ANKS3: variants seen among roughly 807,000 people sequenced by gnomAD.
The protein encoded by ANKS3 is ankyrin repeat and SAM domain-containing protein 3.
ANKS3 carries 62 observed loss-of-function variants against 80.7 expected under a neutral mutation model. The ratio of observed to expected loss-of-function variants is 0.77; its 90% CI spans 0.63 to 0.95. ANKS3 has a LOEUF of 0.95. Ranked by LOEUF, ANKS3 falls within the 40% of genes least tolerant of loss-of-function variation. The pLI, the probability that ANKS3 is intolerant of heterozygous loss-of-function variation, is 0.00. For synonymous variants in ANKS3, 489 were observed against 355.3 expected (o/e 1.38, Z -4.23); for missense variants, 1,150 against 883.6 (o/e 1.30, Z -3.82).
chr16:4,730,383 T>C, intron 2 of ANKS3: 2 of 376,866 alleles, frequency 5.3e-6, no homozygotes, highest in Non-Finnish European at 9.4e-6. Context: ...GGAGCACATA[T>C]GGTGAGGCAT....
chr16:4,696,870 G>T lies in ANKS3; in HGVS notation c.*38C>A. ...CTCACTCCCTGGCACACAGCTTCAG[G>T]GTGGACCAATCACCCAACGTCAGAT... On this transcript the variant is annotated 3_prime_UTR_variant, in exon 18 of 18. Coordinates refer to ENST00000304283, the MANE Select transcript of ANKS3 (RefSeq NM_133450.4). The T allele has an allele frequency of 1.3e-6, 1 of 743,722 alleles. No individual in the cohort carries two copies. Among genetic ancestry groups the T allele is most frequent in the Non-Finnish European group, 2.3e-6 (1 of 442,774 alleles). 46.1% of individuals were successfully genotyped at this position (743,722 alleles called of 1,614,324 possible).
intron 14 of ANKS3, 48 bp downstream of exon 14, chr16:4,698,379 G>C: frequency 2.8e-6 from 4 of 1,439,786 alleles, no homozygotes; most frequent in Admixed American, 2.8e-5. Flanking sequence ...CAGGGGCCAG[G>C]TGGCTGACCA....
intron 11 of ANKS3, 112 bp downstream of exon 11, chr16:4,700,858 G>T: frequency 7.1e-7 from 1 of 1,401,818 alleles, no homozygotes; most frequent in Non-Finnish European, 1.0e-6. Context: ...GGATGCCACC[G>T]CCATTCTGTT....
At chr16:4,704,803 G>A (rs1442159457) in intron 8 of ANKS3, among the ~76,000 whole-genome samples, 3 of 152,218 alleles carry the variant, frequency 2.0e-5, no homozygotes, top group Non-Finnish European at 4.4e-5. Context: ...AATGAAATCT[G>A]ACCTTAGCTA....
chr16:4,709,205 G>A (rs556006550), intron 7 of ANKS3, among the ~76,000 whole-genome samples: 26 of 151,812 alleles, frequency 1.7e-4, no homozygotes, highest in African/African-American at 5.8e-4. Flanking sequence ...TCGGGAGTTC[G>A]AGACCACCCT....
rs762830598 is a variant in ANKS3 at position 4,697,006 on chromosome 16, C to G, written c.*11+11G>C. 6.2e-7 allele frequency: 1 copy of G among 1,611,214 alleles called. No individual in the cohort carries two copies. The highest frequency in any genetic ancestry group is 8.5e-7 in the Non-Finnish European group (1 of 1,179,014). ...TCCCACCACGCGGGATCCAGGCTGG[C>G]AGACACTCACCGGCCCGCAGGCTAG... On this transcript the variant is annotated intron_variant, in intron 17 of 17. Coordinates refer to ENST00000304283, the MANE Select transcript of ANKS3 (RefSeq NM_133450.4).
chr16:4,700,868 T>C lies in ANKS3; in HGVS notation c.1284+102A>G. ...CATGGGGATGCCACCGCCATTCTGT[T>C]CTCCTAGCAGCGCCTGGCACGTCAT... On this transcript the variant is annotated intron_variant, in intron 11 of 17. Transcript: ENST00000304283. 2.0e-6 allele frequency: 3 copies of C among 1,466,222 alleles called. No individual in the cohort carries two copies. The South Asian group carries it at 3.4e-5, about 17-fold the overall frequency. 90.8% of individuals were successfully genotyped at this position (1,466,222 alleles called of 1,614,324 possible).
chr16:4,713,796 C>A (rs1021896439), intron 7 of ANKS3, among the ~76,000 whole-genome samples: 1 of 152,236 alleles, frequency 6.6e-6, no homozygotes, highest in Non-Finnish European at 1.5e-5. Flanking sequence ...CCTGCCCCTA[C>A]TCGGTAGTCA....
At position 4,705,085 on chromosome 16, in the gene ANKS3, G is replaced by A. The variant is rs745669738; in HGVS notation, c.868+10C>T. 2.5e-6 allele frequency: 4 copies of A among 1,610,188 alleles called. No homozygotes were observed. The highest frequency in any genetic ancestry group is 3.4e-6 in the Non-Finnish European group (4 of 1,179,130). ...TGAGAAAGAGCCCTCGGGAAACGCG[G>A]GCCACTCACCATAGCGAGGCCGTGG... is the stretch of plus-strand genomic sequence containing the variant. On this transcript the variant is annotated intron_variant, in intron 8 of 17. Transcript: ENST00000304283.
At chr16:4,701,840 G>A (rs985874576) in intron 9 of ANKS3, 5 of 501,902 alleles carry the variant, frequency 1.0e-5, no homozygotes, top group Non-Finnish European at 1.7e-5. Flanking sequence ...TCCTACTGGG[G>A]CCTGCCCTGA....
At chr16:4,715,014 A>AT (rs1467778624) in intron 6 of ANKS3, among the ~76,000 whole-genome samples, 21 of 151,330 alleles carry the variant, frequency 1.4e-4, no homozygotes, top group Admixed American at 5.3e-4. Context: ...AAAAAAAAAA[A>AT]AGGATGTTTG....
At chr16:4,715,427 G>A (rs751442205) in intron 6 of ANKS3, among the ~76,000 whole-genome samples, 1 of 152,116 alleles carries the variant, frequency 6.6e-6, no homozygotes, top group Non-Finnish European at 1.5e-5. Flanking sequence ...CCGGAAAGGG[G>A]GAGCATCTTT....
chr16:4,721,304 CAA>C (rs528222353), intron 6 of ANKS3, among the ~76,000 whole-genome samples: 25 of 75,234 alleles, frequency 3.3e-4, no homozygotes, highest in Admixed American at 6.2e-4. Context: ...GACGCCATCT[CAA>C]AAAAAAAAAA....
chr16:4,711,736 A>G (rs796803199), intron 7 of ANKS3, among the ~76,000 whole-genome samples: 3,804 of 148,110 alleles, frequency 0.026, 154 homozygotes, highest in African/African-American at 0.089. Flanking sequence ...AAAAAAAAAA[A>G]AGGGAGAAAA....
chr16:4,698,349 G>C, intron 14 of ANKS3, 78 bp downstream of exon 14: 2 of 1,427,678 alleles, frequency 1.4e-6, no homozygotes, highest in Non-Finnish European at 1.8e-6. Context: ...AAAATCAGGA[G>C]GAAAGGATGT....
At chr16:4,712,479 CA>C (rs894664601) in intron 7 of ANKS3, among the ~76,000 whole-genome samples, 2 of 151,996 alleles carry the variant, frequency 1.3e-5, no homozygotes, top group Non-Finnish European at 2.9e-5. Flanking sequence ...AATTCAAAAA[CA>C]CATTAAAATA....
At chr16:4,697,311 C>A in intron 16 of ANKS3, 22 bp downstream of exon 16, 9 of 1,585,768 alleles carry the variant, frequency 5.7e-6, no homozygotes, top group Non-Finnish European at 7.7e-6. Context: ...AGCGCTCAGT[C>A]GTCTGGTCCC....
In ANKS3 at chr16:4,701,122, C is replaced by T. The variant is rs745366095; in HGVS notation, c.1132G>A (p.Ala378Thr). The T allele has an allele frequency of 1.2e-6, 2 of 1,613,836 alleles. No homozygotes were observed. Among genetic ancestry groups the T allele is most frequent in the East Asian group, 2.2e-5 (1 of 44,896 alleles). Residue 378 changes from alanine (A) to threonine (T), a missense_variant, in exon 11 of 18, where the codon GCC (alanine) becomes ACC (threonine). Coordinates refer to ENST00000304283, the MANE Select transcript of ANKS3 (RefSeq NM_133450.4). ...TGTTTGCGAGCTGAGCTTTTACAGG[C>T]ATGATCCGAGTCCTGCAGTGAGAGG... The part of the protein sequence containing the change: ...SVESNEDSDH[A>T]CKSSARKQAK...
At chr16:4,727,377 G>A in intron 3 of ANKS3, 200 bp from the exon 4 acceptor site, 2 of 617,372 alleles carry the variant, frequency 3.2e-6, no homozygotes, top group Non-Finnish European at 5.7e-6. Context: ...GAGGCCCTGA[G>A]CCTTCGTCTC....
Sources: allele counts gnomAD v4.1 joint callset (sites outside exome capture counted in the v4.1 genomes callset), GRCh38; gene constraint gnomAD v4.1.1; transcripts MANE v1.5; gene names NCBI Gene and HGNC (gene_info 2026-07-23, HGNC 2026-07-21).